TSPAN13: variants seen among roughly 807,000 people sequenced by gnomAD.
TSPAN13 encodes the protein tetraspanin-13.
A neutral mutation model predicts 26.9 loss-of-function variants in TSPAN13; 18 were observed. That is an observed-to-expected ratio of 0.67 (90% CI 0.46 to 0.99). The LOEUF (loss-of-function observed/expected upper bound fraction) is 0.99. Among genes scored for constraint, TSPAN13 ranks in the 50% least tolerant of loss-of-function variants. TSPAN13 has a pLI of 0.00. For synonymous variants in TSPAN13, 116 were observed against 98.4 expected (o/e 1.18, Z -1.06); for missense variants, 201 against 249.6 (o/e 0.81, Z 1.31).
At chr7:16,770,175 TTC>T (rs1562519160) in intron 1 of TSPAN13, among the ~76,000 whole-genome samples, 1 of 151,126 alleles carries the variant, frequency 6.6e-6, no homozygotes, top group Non-Finnish European at 1.5e-5. Flanking sequence ...CTTTTTATTT[TTC>T]TGTTTAATAT....
intron 1 of TSPAN13, among the ~76,000 whole-genome samples, chr7:16,754,677 T>C (rs901530198): frequency 6.6e-6 from 1 of 152,176 alleles, no homozygotes; most frequent in African/African-American, 2.4e-5. Context: ...ATCAATATCC[T>C]AACTCCATTT....
chr7:16,761,989 C>T (rs1276440763), intron 1 of TSPAN13, among the ~76,000 whole-genome samples: 1 of 152,148 alleles, frequency 6.6e-6, no homozygotes, highest in Non-Finnish European at 1.5e-5. Context: ...GAATAATTTA[C>T]AACATCTAAT....
intron 1 of TSPAN13, among the ~76,000 whole-genome samples, chr7:16,772,184 G>A (rs532501769): frequency 1.3e-5 from 2 of 152,194 alleles, no homozygotes; most frequent in Admixed American, 6.5e-5. Context: ...TTTGCTTTGC[G>A]GCGAGGATGC....
At position 16,779,026 on chromosome 7, in the gene TSPAN13, G is replaced by A. The variant is rs3757453; in HGVS notation, c.450G>A (p.Ser150=). The change falls in exon 5 of 6, where the codon TCG becomes TCA. Residue 150 remains serine, a synonymous_variant. Coordinates refer to ENST00000262067, the MANE Select transcript of TSPAN13 (RefSeq NM_014399.4). Reference sequence around the variant, plus strand: ...AGAGCTGTGTTAAAAGTGACCACTCGTGCTCGCCATGTGCTCCAATCATAG... The same window carrying A: ...AGAGCTGTGTTAAAAGTGACCACTCATGCTCGCCATGTGCTCCAATCATAG... ...CLASCVKSDH[S]CSPCAPIIGE... 101 of 1,613,736 alleles carry A rather than the reference G, an allele frequency of 6.3e-5. No individual in the cohort carries two copies. In the East Asian group the frequency reaches 1.4e-3, roughly 23 times the overall value.
intron 1 of TSPAN13, among the ~76,000 whole-genome samples, chr7:16,765,514 C>T (rs1449944800): frequency 6.6e-6 from 1 of 152,184 alleles, no homozygotes; most frequent in Non-Finnish European, 1.5e-5. Flanking sequence ...TTTCTCTTGG[C>T]GTTTACTCGG....
intron 1 of TSPAN13, among the ~76,000 whole-genome samples, chr7:16,765,438 C>G (rs1035260619): frequency 2.0e-5 from 3 of 152,138 alleles, no homozygotes; most frequent in Middle Eastern, 3.2e-3. Flanking sequence ...GCAGTAGCAC[C>G]TTCCTGTTTA....
chr7:16,782,112 G>A (rs1044638655), intron 5 of TSPAN13, among the ~76,000 whole-genome samples: 8 of 152,264 alleles, frequency 5.3e-5, no homozygotes, highest in African/African-American at 1.7e-4. Flanking sequence ...TGAATTTGTA[G>A]TTTGTAGAAT....
At chr7:16,755,863 A>G (rs1784476392) in intron 1 of TSPAN13, among the ~76,000 whole-genome samples, 1 of 152,210 alleles carries the variant, frequency 6.6e-6, no homozygotes, top group Non-Finnish European at 1.5e-5. Context: ...CTAAAGGGAC[A>G]TATTAAGACT....
chr7:16,780,765 T>G (rs1267748468), intron 5 of TSPAN13, among the ~76,000 whole-genome samples: 3 of 152,220 alleles, frequency 2.0e-5, no homozygotes, highest in African/African-American at 7.2e-5. Flanking sequence ...CAGATCACAC[T>G]GCCTTCAGTT....
At chr7:16,782,078 G>A (rs547349624) in intron 5 of TSPAN13, among the ~76,000 whole-genome samples, 1 of 152,172 alleles carries the variant, frequency 6.6e-6, no homozygotes, top group Non-Finnish European at 1.5e-5. Context: ...TATCTATTTT[G>A]TGAAAGCTAT....
chr7:16,783,093 T>C (rs1218602785), intron 5 of TSPAN13, among the ~76,000 whole-genome samples: 2 of 152,110 alleles, frequency 1.3e-5, no homozygotes, highest in African/African-American at 4.8e-5. Context: ...CCCACCTGGG[T>C]AATAATCTCT....
At position 16,777,127 on chromosome 7, in the gene TSPAN13, G is replaced by C. The variant is rs1242770735; in HGVS notation, c.312+5G>C. 3 of 1,609,498 alleles carry C rather than the reference G, an allele frequency of 1.9e-6. No homozygotes were observed. The Admixed American group carries it at 5.0e-5, about 27-fold the overall frequency. On this transcript the variant is annotated splice_donor_5th_base_variant and intron_variant, in intron 3 of 5. Transcript: ENST00000262067. ...GCCCTGAACCAGGAGCAACAGGTAA[G>C]CTAAGACTTTTTTCTTCTACTTTAT...
intron 1 of TSPAN13, among the ~76,000 whole-genome samples, chr7:16,770,756 G>A (rs1358644615): frequency 2.6e-5 from 4 of 152,084 alleles, no homozygotes; most frequent in Admixed American, 6.5e-5. Context: ...TTGGATATGC[G>A]TTTATGAGCT....
At chr7:16,779,851 A>G (rs1262593884) in intron 5 of TSPAN13, among the ~76,000 whole-genome samples, 2 of 150,952 alleles carry the variant, frequency 1.3e-5, no homozygotes, top group East Asian at 1.9e-4. Flanking sequence ...GGCTCACTGC[A>G]AGCTCCGCCT....
chr7:16,776,577 A>G (rs191315599), intron 2 of TSPAN13, among the ~76,000 whole-genome samples, 199 bp downstream of exon 2: 72 of 152,280 alleles, frequency 4.7e-4, no homozygotes, highest in Non-Finnish European at 8.7e-4. Context: ...TCCTTGTGAC[A>G]CCCTGAAGAA....
At chr7:16,763,105 T>A (rs1000208927) in intron 1 of TSPAN13, among the ~76,000 whole-genome samples, 3 of 152,186 alleles carry the variant, frequency 2.0e-5, no homozygotes, top group African/African-American at 7.2e-5. Context: ...TTAAATTTAG[T>A]AACGCTAAGG....
rs1447131387 is a variant in TSPAN13, at chr7:16,784,039, T to G, written c.*548T>G. On this transcript the variant is annotated 3_prime_UTR_variant, in exon 6 of 6. Coordinates refer to ENST00000262067, the MANE Select transcript of TSPAN13 (RefSeq NM_014399.4). ...ATAATTTACTTGTAGTCTTTTATGA[T>G]TACACCAATGTATTCTAGAAATAGT... The G allele has an allele frequency of 6.5e-6, 1 of 152,902 alleles. No homozygotes were observed. The highest frequency in any genetic ancestry group is 1.5e-5 in the Non-Finnish European group (1 of 68,220). 9.5% of individuals were successfully genotyped at this position (152,902 alleles called of 1,614,324 possible).
At chr7:16,759,687 T>A (rs1784519596) in intron 1 of TSPAN13, among the ~76,000 whole-genome samples, 1 of 147,226 alleles carries the variant, frequency 6.8e-6, no homozygotes, top group Non-Finnish European at 1.5e-5. Context: ...CTTTTTTTTC[T>A]TTTCTTTCTT....
chr7:16,755,541 G>GTT (rs34234997), intron 1 of TSPAN13, among the ~76,000 whole-genome samples: 55,304 of 139,072 alleles, frequency 0.4, 11,289 homozygotes, highest in African/African-American at 0.45. Flanking sequence ...GTTCTCTAGG[G>GTT]TTTTTTTTTT....
Sources: allele counts gnomAD v4.1 joint callset (sites outside exome capture counted in the v4.1 genomes callset), GRCh38; gene constraint gnomAD v4.1.1; transcripts MANE v1.5; gene names NCBI Gene and HGNC (gene_info 2026-07-23, HGNC 2026-07-21).